The following NCAM2 variants were observed in gnomAD, a reference collection of about 807,000 sequenced individuals.
NCAM2 encodes the protein neural cell adhesion molecule 2, also known as N-CAM-2.
Under a neutral mutation model 98.1 loss-of-function variants are expected in NCAM2, and 30 were observed. That is an observed-to-expected ratio of 0.31 (90% confidence interval 0.23 to 0.41). The LOEUF (loss-of-function observed/expected upper bound fraction) is 0.41. Among genes scored for constraint, NCAM2 ranks in the 10% least tolerant of loss-of-function variants. NCAM2 has a pLI of 1.00. For missense variants in NCAM2, 867 were observed against 1,005.8 expected (o/e 0.86, Z 1.87); for synonymous variants, 368 against 342.4 (o/e 1.07, Z -0.83).
At chr21:21,106,314 C>CAAAAAACAAAAAAAAAAAA (rs2066345571) in intron 1 of NCAM2, among the ~76,000 whole-genome samples, 1 of 103,490 alleles carries the variant, frequency 9.7e-6, no homozygotes, top group Non-Finnish European at 1.8e-5. Flanking sequence ...GTCTCAAAAG[C>CAAAAAACAAAAAAAAAAAA]AAAAAAAAAA....
intron 15 of NCAM2, among the ~76,000 whole-genome samples, chr21:21,504,159 G>C (rs1987819817): frequency 1.3e-5 from 2 of 151,672 alleles, no homozygotes; most frequent in Admixed American, 1.3e-4. Context: ...ATAAAATGTT[G>C]ACTCTAACAC....
chr21:21,100,568 A>G (rs767595881), intron 1 of NCAM2, among the ~76,000 whole-genome samples: 1 of 152,060 alleles, frequency 6.6e-6, no homozygotes, highest in Non-Finnish European at 1.5e-5. Context: ...ATATTTCCCT[A>G]TGTTACATTT....
At chr21:21,437,547 G>A (rs1038614406) in intron 12 of NCAM2, among the ~76,000 whole-genome samples, 11 of 147,254 alleles carry the variant, frequency 7.5e-5, no homozygotes, top group African/African-American at 2.8e-4. Context: ...TAACGGTCCC[G>A]GTTTATGCAG....
At chr21:21,002,128 A>T (rs982987558) in intron 1 of NCAM2, among the ~76,000 whole-genome samples, 3 of 152,118 alleles carry the variant, frequency 2.0e-5, no homozygotes, top group Non-Finnish European at 4.4e-5. Context: ...TGTAATGTAA[A>T]GGCTAATGTA....
intron 1 of NCAM2, among the ~76,000 whole-genome samples, chr21:21,078,832 A>AT (rs1485024153): frequency 3.3e-5 from 5 of 152,254 alleles, no homozygotes; most frequent in Non-Finnish European, 5.9e-5. Flanking sequence ...TGATACATAT[A>AT]TGCCATGGAA....
chr21:21,478,278 G>A (rs188496706), intron 15 of NCAM2, among the ~76,000 whole-genome samples: 411 of 152,042 alleles, frequency 2.7e-3, no homozygotes, highest in Non-Finnish European at 4.2e-3. Flanking sequence ...ATGCAGACAT[G>A]TACAGATATT....
chr21:21,366,995 G>A (rs138561973), intron 8 of NCAM2, among the ~76,000 whole-genome samples: 179 of 152,124 alleles, frequency 1.2e-3, no homozygotes, highest in African/African-American at 4.1e-3. Flanking sequence ...TGACTTGAGA[G>A]CAGTGTGGTT....
At chr21:21,025,155 G>A (rs1224814543) in intron 1 of NCAM2, among the ~76,000 whole-genome samples, 2 of 151,312 alleles carry the variant, frequency 1.3e-5, no homozygotes, top group Non-Finnish European at 2.9e-5. Context: ...GTGCAATCTC[G>A]GCTCACTGCA....
chr21:21,289,142 T>C (rs1285824469), intron 4 of NCAM2, among the ~76,000 whole-genome samples: 2 of 151,908 alleles, frequency 1.3e-5, no homozygotes, highest in Non-Finnish European at 2.9e-5. Flanking sequence ...ATTGATATAC[T>C]CCTTCTGCAT....
intron 9 of NCAM2, among the ~76,000 whole-genome samples, chr21:21,396,496 G>A (rs2145851619): frequency 6.6e-6 from 1 of 152,184 alleles, no homozygotes; most frequent in Middle Eastern, 3.4e-3. Context: ...CTCTGCTTGG[G>A]TTTTGCTTGC....
chr21:21,319,959 T>C (rs2074331586), intron 5 of NCAM2, among the ~76,000 whole-genome samples: 1 of 152,210 alleles, frequency 6.6e-6, no homozygotes, highest in Non-Finnish European at 1.5e-5. Flanking sequence ...TAAATGCCAA[T>C]GGAACCTTTT....
chr21:21,454,814 C>T (rs769361984), intron 12 of NCAM2, among the ~76,000 whole-genome samples: 1 of 151,892 alleles, frequency 6.6e-6, no homozygotes, highest in Non-Finnish European at 1.5e-5. Context: ...GAGAAAACAC[C>T]TGCTCTGTGG....
chr21:21,227,552 C>T (rs1425283393), intron 1 of NCAM2, among the ~76,000 whole-genome samples: 7 of 151,682 alleles, frequency 4.6e-5, no homozygotes, highest in Non-Finnish European at 1.0e-4. Flanking sequence ...TTCCAAACAG[C>T]ATTTCATAGT....
At chr21:21,213,893 A>C (rs548670691) in intron 1 of NCAM2, among the ~76,000 whole-genome samples, 102 of 152,242 alleles carry the variant, frequency 6.7e-4, no homozygotes, top group Middle Eastern at 3.4e-3. Flanking sequence ...CAGGCCTTGC[A>C]ATCATAGACC....
intron 9 of NCAM2, among the ~76,000 whole-genome samples, chr21:21,407,593 A>G (rs992460212): frequency 1.1e-4 from 16 of 152,216 alleles, no homozygotes; most frequent in African/African-American, 3.9e-4. Context: ...ATTAGGATGT[A>G]TGAATTTCTT....
At chr21:21,479,583 CAAAAAAAA>C (rs1156588500) in intron 15 of NCAM2, among the ~76,000 whole-genome samples, 767 of 30,968 alleles carry the variant, frequency 0.025, 20 homozygotes, top group African/African-American at 0.077. Context: ...GACTGCGTCT[CAAAAAAAA>C]AAAAAAAAAA....
At chr21:21,107,098 G>C (rs1316988583) in intron 1 of NCAM2, among the ~76,000 whole-genome samples, 1 of 152,012 alleles carries the variant, frequency 6.6e-6, no homozygotes, top group Non-Finnish European at 1.5e-5. Context: ...ATCTCGTTTA[G>C]GGTTTATTGG....
intron 9 of NCAM2, among the ~76,000 whole-genome samples, chr21:21,400,720 G>A (rs942416422): frequency 4.0e-5 from 6 of 151,790 alleles, no homozygotes; most frequent in African/African-American, 1.5e-4. Context: ...CAAGTAGCAG[G>A]GATCAAAGGC....
intron 1 of NCAM2, among the ~76,000 whole-genome samples, chr21:21,263,540 C>A (rs2072005645): frequency 6.6e-6 from 1 of 151,868 alleles, no homozygotes; most frequent in Admixed American, 6.6e-5. Flanking sequence ...ACACAAGAGC[C>A]AAATACCCAA....
Sources: allele counts gnomAD v4.1 joint callset (sites outside exome capture counted in the v4.1 genomes callset), GRCh38; gene constraint gnomAD v4.1.1; transcripts MANE v1.5; gene names NCBI Gene and HGNC (gene_info 2026-07-23, HGNC 2026-07-21).